Variants in EXOC1 observed in about 807,000 individuals in gnomAD.
The protein encoded by EXOC1 is exocyst complex component 1, also known as SEC3-like 1.
Under a neutral mutation model 107.7 loss-of-function variants are expected in EXOC1, and 67 were observed. The observed-to-expected ratio is 0.62, with a 90% CI of 0.51 to 0.76. The LOEUF is 0.76. Among genes scored for constraint, EXOC1 ranks in the 30% least tolerant of loss-of-function variants. The pLI, the probability that EXOC1 is intolerant of heterozygous loss-of-function variation, is 0.00. For synonymous variants in EXOC1, 348 were observed against 353.5 expected, an observed-to-expected ratio of 0.98 and a Z score of 0.17; for missense variants, 833 against 1,055.7, an observed-to-expected ratio of 0.79 and a Z score of 2.92.
At position 55,900,430 on chromosome 4, in the gene EXOC1, T is replaced by C. The variant is rs866321903; in HGVS notation, c.2337+546T>C. ...TTTTACTTTTCTTTCCCTTCTTTTT[T>C]TTTCCTTACTTGAGTCATTTCCCAG... On this transcript the variant is annotated intron_variant, in intron 17 of 18. Coordinates refer to ENST00000381295, the MANE Select transcript of EXOC1 (RefSeq NM_001024924.2). 1.0e-3 allele frequency: 153 copies of C among 152,340 alleles called. 1 individual carries two copies. Among genetic ancestry groups the C allele is most frequent in the African/African-American group, 3.2e-3 (134 of 41,578 alleles). 9.4% of individuals were successfully genotyped at this position (152,340 alleles called of 1,614,324 possible). A position where few individuals can be genotyped will look rare whatever the true frequency, so the allele number is the denominator to read the frequency against.
At chr4:55,903,957 G>A (rs1440572372) in intron 18 of EXOC1, among the ~76,000 whole-genome samples, 1 of 152,074 alleles carries the variant, frequency 6.6e-6, no homozygotes, top group Admixed American at 6.6e-5. Flanking sequence ...ACTAGTCTTA[G>A]TTCTATACAT....
At chr4:55,858,226 C>A in intron 1 of EXOC1, 88 bp from the exon 2 acceptor site, 3 of 1,360,838 alleles carry the variant, frequency 2.2e-6, no homozygotes, top group Non-Finnish European at 2.9e-6. Context: ...GCTTGTTAAC[C>A]AAAAATTATT....
chr4:55,859,990 T>G (rs1014282298), intron 2 of EXOC1, among the ~76,000 whole-genome samples: 4 of 152,138 alleles, frequency 2.6e-5, no homozygotes, highest in Non-Finnish European at 5.9e-5. Flanking sequence ...GAAGCTGAGG[T>G]GGGCAGATCG....
intron 16 of EXOC1, among the ~76,000 whole-genome samples, chr4:55,898,014 G>C (rs1182204702): frequency 6.6e-6 from 1 of 152,184 alleles, no homozygotes; most frequent in East Asian, 1.9e-4. Context: ...GCAGCACTTT[G>C]GAAGGACCAG....
chr4:55,898,519 ATAAC>A (rs748488420), intron 16 of EXOC1, among the ~76,000 whole-genome samples: 12 of 152,326 alleles, frequency 7.9e-5, no homozygotes, highest in Non-Finnish European at 1.6e-4. Context: ...TGAAACATAA[ATAAC>A]TATTTATCCC....
intron 13 of EXOC1, 127 bp from the exon 14 acceptor site, chr4:55,892,508 C>G: frequency 1.4e-6 from 1 of 710,302 alleles, no homozygotes; most frequent in East Asian, 2.7e-5. Context: ...CATAATGCTA[C>G]CTTTAAAAAT....
At chr4:55,889,315 T>A (rs938652672) in intron 11 of EXOC1, among the ~76,000 whole-genome samples, 5 of 151,656 alleles carry the variant, frequency 3.3e-5, no homozygotes, top group African/African-American at 1.2e-4. Context: ...TAGCAAATAG[T>A]ACAAGTTAAC....
chr4:55,867,875 A>G (rs1722095851), intron 4 of EXOC1, among the ~76,000 whole-genome samples: 1 of 152,228 alleles, frequency 6.6e-6, no homozygotes, highest in East Asian at 1.9e-4. Flanking sequence ...CATACTGAAG[A>G]TGAAAGTAAC....
intron 8 of EXOC1, chr4:55,872,724 A>G (rs1048172427): frequency 2.6e-5 from 21 of 811,114 alleles, no homozygotes; most frequent in Admixed American, 6.2e-5. Context: ...TTCTAAAACA[A>G]TTGTATTTAC....
At position 55,870,789 on chromosome 4, in the gene EXOC1, G is replaced by A. The variant is rs182283845; in HGVS notation, c.715G>A (p.Glu239Lys). The A allele has an allele frequency of 6.2e-7, 1 of 1,613,802 alleles. No individual in the cohort carries two copies. The highest frequency in any genetic ancestry group is 2.2e-5 in the East Asian group (1 of 44,814). ...GATTGAATTGAAACTGAGCAGTTAT[G>A]AGGAAATGCTCCAAAGTGTAAAAGA... ...DQIELKLSSYEEMLQSVKEQM... is the reference protein window; with the variant it reads ...DQIELKLSSYKEMLQSVKEQM... Residue 239 changes from glutamate (E) to lysine (K), a missense_variant, in exon 6 of 19, where the codon GAG becomes AAG. Transcript: ENST00000381295.
intron 3 of EXOC1, among the ~76,000 whole-genome samples, chr4:55,861,500 T>C (rs1721473594): frequency 1.3e-5 from 2 of 152,168 alleles, no homozygotes; most frequent in South Asian, 4.1e-4. Context: ...GGATCAAAAA[T>C]CTGGACAAAA....
At chr4:55,873,295 G>A (rs908094225) in intron 8 of EXOC1, among the ~76,000 whole-genome samples, 3 of 152,026 alleles carry the variant, frequency 2.0e-5, no homozygotes, top group Non-Finnish European at 2.9e-5. Context: ...AGCACGGTAG[G>A]GGGGAATCAG....
At chr4:55,902,560 A>C (rs1045338121) in intron 18 of EXOC1, 22 bp downstream of exon 18, 1 of 1,450,020 alleles carries the variant, frequency 6.9e-7, no homozygotes, top group East Asian at 2.6e-5. Flanking sequence ...TCTTTTGACC[A>C]TCTGACTTAA....
At chr4:55,899,953 C>A (rs1725703519) in intron 17 of EXOC1, 69 bp downstream of exon 17, 2 of 1,316,926 alleles carry the variant, frequency 1.5e-6, no homozygotes, top group Non-Finnish European at 2.1e-6. Context: ...ATATGAATAA[C>A]CTGCAGACAT....
chr4:55,862,593 G>T (rs193292455), intron 3 of EXOC1, among the ~76,000 whole-genome samples: 1 of 152,136 alleles, frequency 6.6e-6, no homozygotes, highest in East Asian at 1.9e-4. Context: ...GTATATGCAG[G>T]TTTTAAATTT....
At chr4:55,887,346 G>A (rs1724020421) in intron 10 of EXOC1, among the ~76,000 whole-genome samples, 1 of 151,946 alleles carries the variant, frequency 6.6e-6, no homozygotes, top group Non-Finnish European at 1.5e-5. Context: ...AGGGATGGCT[G>A]GAAGATTAAC....
intron 15 of EXOC1, among the ~76,000 whole-genome samples, chr4:55,894,215 C>T (rs1404071859): frequency 1.3e-5 from 2 of 151,862 alleles, no homozygotes; most frequent in South Asian, 2.1e-4. Context: ...ATTCCAACTA[C>T]TCGGGAGGCT....
chr4:55,870,537 A>G (rs1262371732), intron 5 of EXOC1, 141 bp from the exon 6 acceptor site: 3 of 673,286 alleles, frequency 4.5e-6, no homozygotes, highest in African/African-American at 3.6e-5. Flanking sequence ...GTAGATGTGT[A>G]GGTATATATC....
At chr4:55,887,867 A>G (rs1428818579) in intron 10 of EXOC1, among the ~76,000 whole-genome samples, 1 of 152,118 alleles carries the variant, frequency 6.6e-6, no homozygotes, top group Non-Finnish European at 1.5e-5. Context: ...CCTGTTTGCC[A>G]CTTTAATGTC....
Sources: allele counts gnomAD v4.1 joint callset (sites outside exome capture counted in the v4.1 genomes callset), GRCh38; gene constraint gnomAD v4.1.1; transcripts MANE v1.5; gene names NCBI Gene and HGNC (gene_info 2026-07-23, HGNC 2026-07-21).